Variants in EHBP1 observed in about 807,000 individuals in gnomAD.
EHBP1 encodes the protein EH domain binding protein 1.
A neutral mutation model predicts 144.0 loss-of-function variants in EHBP1; 55 were observed. That is an observed-to-expected ratio of 0.38 (90% CI 0.31 to 0.48). The LOEUF is 0.48. Ranked by LOEUF, EHBP1 falls within the 20% of genes least tolerant of loss-of-function variation. EHBP1 has a pLI of 0.98. For missense variants in EHBP1, 1,200 were observed against 1,364.2 expected, an observed-to-expected ratio of 0.88 and a Z score of 1.90; for synonymous variants, 469 against 472.7, an observed-to-expected ratio of 0.99 and a Z score of 0.10.
chr2:62,786,557 A>G (rs1573344940), intron 5 of EHBP1, among the ~76,000 whole-genome samples: 1 of 152,230 alleles, frequency 6.6e-6, no homozygotes, highest in African/African-American at 2.4e-5. Flanking sequence ...GCAATCTGCA[A>G]TAGCTATGTA....
intron 7 of EHBP1, among the ~76,000 whole-genome samples, chr2:62,853,937 A>C (rs2048856020): frequency 6.6e-6 from 1 of 152,220 alleles, no homozygotes; most frequent in African/African-American, 2.4e-5. Context: ...TAAAATATTC[A>C]GTAAGCCATG....
intron 5 of EHBP1, among the ~76,000 whole-genome samples, chr2:62,823,214 C>A (rs890120427): frequency 6.6e-6 from 1 of 152,018 alleles, no homozygotes; most frequent in Non-Finnish European, 1.5e-5. Flanking sequence ...AGAACCTTTG[C>A]TTTAGGGATT....
intron 7 of EHBP1, among the ~76,000 whole-genome samples, chr2:62,839,439 G>A (rs1332348719): frequency 1.4e-5 from 2 of 143,812 alleles, no homozygotes; most frequent in Non-Finnish European, 3.0e-5. Flanking sequence ...CACAAGACAG[G>A]GATGCCCTCT....
intron 1 of EHBP1, among the ~76,000 whole-genome samples, chr2:62,676,232 G>A (rs1389570729): frequency 1.3e-5 from 2 of 152,154 alleles, no homozygotes; most frequent in African/African-American, 2.4e-5. Context: ...GTTAATCATT[G>A]TGCATGTCCC....
chr2:62,845,745 T>G (rs1250122767), intron 7 of EHBP1, among the ~76,000 whole-genome samples: 2 of 150,634 alleles, frequency 1.3e-5, no homozygotes, highest in African/African-American at 4.9e-5. Context: ...GCGCCTGTAG[T>G]CCCAGCTACT....
chr2:62,835,791 A>G (rs546381288), intron 7 of EHBP1, among the ~76,000 whole-genome samples: 6 of 152,308 alleles, frequency 3.9e-5, no homozygotes, highest in South Asian at 2.1e-4. Context: ...GACCGGCTTA[A>G]AAAACGGCGC....
intron 19 of EHBP1, among the ~76,000 whole-genome samples, chr2:63,033,829 C>T (rs72890534): frequency 6.6e-6 from 1 of 152,068 alleles, no homozygotes; most frequent in Non-Finnish European, 1.5e-5. Context: ...TGTCAGTTAA[C>T]ACTGACTATT....
chr2:62,972,668 C>T (rs1033917819), intron 14 of EHBP1, among the ~76,000 whole-genome samples: 2 of 152,032 alleles, frequency 1.3e-5, no homozygotes, highest in African/African-American at 4.8e-5. Flanking sequence ...TATGCCATCC[C>T]ACTGGAGAGC....
intron 19 of EHBP1, among the ~76,000 whole-genome samples, chr2:63,032,084 C>T (rs1246391213): frequency 6.6e-6 from 1 of 151,792 alleles, no homozygotes; most frequent in African/African-American, 2.4e-5. Context: ...CCAGTGCTGA[C>T]CTTCAGTATA....
rs894578321 is a variant in EHBP1 at position 62,706,953 on chromosome 2, G to A, written c.-239G>A. ...GGTGGCATGGTGATGTCTCCATGAG[G>A]GAACCCCTTCCCACTCATCCTGTCA... On this transcript the variant is annotated 5_prime_UTR_variant, in exon 2 of 23. Transcript: ENST00000431489. 1 of 461,238 alleles carries A rather than the reference G, an allele frequency of 2.2e-6. No individual in the cohort carries two copies. The highest frequency in any genetic ancestry group is 3.4e-5 in the Admixed American group (1 of 29,034). The allele number at this position is 461,238 out of a possible 1,614,324, so 28.6% of individuals were successfully genotyped here.
At chr2:62,779,676 T>C (rs1323055787) in intron 5 of EHBP1, among the ~76,000 whole-genome samples, 1 of 152,214 alleles carries the variant, frequency 6.6e-6, no homozygotes. Context: ...TAAACCCTTT[T>C]GGATTTCTAA....
chr2:63,030,691 C>T (rs1403214365), intron 19 of EHBP1, among the ~76,000 whole-genome samples: 4 of 150,356 alleles, frequency 2.7e-5, no homozygotes, highest in Non-Finnish European at 5.9e-5. Flanking sequence ...CGGGGTTTCA[C>T]TGTGTTAGCC....
At chr2:62,724,660 A>G (rs1030030635) in intron 2 of EHBP1, among the ~76,000 whole-genome samples, 3 of 124,496 alleles carry the variant, frequency 2.4e-5, no homozygotes, top group African/African-American at 6.1e-5. Flanking sequence ...TTTTTCTTTT[A>G]TCCTATTTGA....
At chr2:62,825,879 G>A (rs888294702) in intron 5 of EHBP1, among the ~76,000 whole-genome samples, 3 of 151,930 alleles carry the variant, frequency 2.0e-5, no homozygotes, top group Non-Finnish European at 4.4e-5. Context: ...CTGGGTTACC[G>A]CTTTCCAATT....
chr2:62,954,047 A>G (rs2153106985), intron 13 of EHBP1, among the ~76,000 whole-genome samples: 1 of 152,302 alleles, frequency 6.6e-6, no homozygotes, highest in East Asian at 1.9e-4. Context: ...CTATTATTTA[A>G]TCTTTGCCCT....
chr2:62,895,538 T>C (rs554375738), intron 10 of EHBP1, among the ~76,000 whole-genome samples: 23 of 152,178 alleles, frequency 1.5e-4, no homozygotes, highest in Non-Finnish European at 2.9e-4. Flanking sequence ...AAAACAGAAC[T>C]GGAGCTCACT....
intron 2 of EHBP1, among the ~76,000 whole-genome samples, chr2:62,718,806 A>AT (rs1245548652): frequency 1.3e-5 from 2 of 151,938 alleles, no homozygotes; most frequent in Non-Finnish European, 2.9e-5. Context: ...CTGTTTTGTG[A>AT]TTTTCTTTCT....
chr2:62,768,166 C>G (rs998908111), intron 4 of EHBP1, among the ~76,000 whole-genome samples: 1 of 151,964 alleles, frequency 6.6e-6, no homozygotes, highest in Non-Finnish European at 1.5e-5. Context: ...CAAGCAGTAA[C>G]GAAAATCAGA....
chr2:62,879,546 AACACACACACACACACACACACAC>A (rs70962798), intron 10 of EHBP1, among the ~76,000 whole-genome samples: 1 of 133,718 alleles, frequency 7.5e-6, no homozygotes, highest in Non-Finnish European at 1.6e-5. Context: ...TATTCACAAT[AACACACACACACACACACACACAC>A]ACACACACAC....
Sources: allele counts gnomAD v4.1 joint callset (sites outside exome capture counted in the v4.1 genomes callset), GRCh38; gene constraint gnomAD v4.1.1; transcripts MANE v1.5; gene names NCBI Gene and HGNC (gene_info 2026-07-23, HGNC 2026-07-21).